IPCEF1: variants seen among roughly 807,000 people sequenced by gnomAD.
IPCEF1 encodes the protein interactor protein for cytohesin exchange factors 1.
Under a neutral mutation model 50.9 loss-of-function variants are expected in IPCEF1, and 31 were observed. The ratio of observed to expected loss-of-function variants is 0.61; its 90% CI spans 0.46 to 0.82. The LOEUF is 0.82. Ranked by LOEUF, IPCEF1 falls within the 40% of genes least tolerant of loss-of-function variation. IPCEF1 has a pLI of 0.00. For missense variants in IPCEF1, 458 were observed against 514.0 expected (o/e 0.89, Z 1.05); for synonymous variants, 181 against 192.0 (o/e 0.94, Z 0.47).
intron 1 of IPCEF1, among the ~76,000 whole-genome samples, chr6:154,317,118 A>C (rs549364843): frequency 2.1e-4 from 32 of 152,184 alleles, no homozygotes; most frequent in Non-Finnish European, 4.1e-4. Context: ...TTCTAATCAC[A>C]AGTGATGTTA....
At chr6:154,171,966 A>G (rs1467602997) in intron 10 of IPCEF1, among the ~76,000 whole-genome samples, 2 of 152,264 alleles carry the variant, frequency 1.3e-5, no homozygotes, top group African/African-American at 4.8e-5. Context: ...TTTAACAAAC[A>G]TCAACAAGCA....
intron 3 of IPCEF1, among the ~76,000 whole-genome samples, chr6:154,257,774 G>A (rs1252965060): frequency 1.3e-5 from 2 of 152,146 alleles, no homozygotes; most frequent in African/African-American, 2.4e-5. Flanking sequence ...ATCATGGTTC[G>A]CTGCAATCTC....
rs553483879 is a variant in IPCEF1, at chr6:154,304,247, A to G, written c.-61-14491T>C. On this transcript the variant is annotated intron_variant, in intron 1 of 11. Coordinates refer to ENST00000367220, the MANE Select transcript of IPCEF1 (RefSeq NM_001130700.2). ...AAAAAAATTTTTTTAATTAAAAAAT[A>G]ATAATAAATAAAATATACTTTAAAA... Among the ~76,000 whole-genome samples the G allele has an allele frequency of 1.4e-4, 22 of 152,136 alleles. 1 individual carries two copies. Among genetic ancestry groups the G allele is most frequent in the Admixed American group, 1.4e-3 (22 of 15,280 alleles).
chr6:154,331,405 A>AAGAAAGAAAGAAAGAGAGAGAGAG (rs60403800), intron 1 of IPCEF1, among the ~76,000 whole-genome samples: 2 of 92,948 alleles, frequency 2.2e-5, no homozygotes, highest in Non-Finnish European at 4.4e-5. Context: ...GAAAGAAAGA[A>AAGAAAGAAAGAAAGAGAGAGAGAG]AGAGAGAGAA....
intron 1 of IPCEF1, among the ~76,000 whole-genome samples, chr6:154,306,236 A>G (rs1447720620): frequency 6.6e-6 from 1 of 152,158 alleles, no homozygotes; most frequent in Non-Finnish European, 1.5e-5. Flanking sequence ...ATCTATCCAG[A>G]ACCCCCTACC....
At chr6:154,171,931 G>C (rs999831537) in intron 10 of IPCEF1, among the ~76,000 whole-genome samples, 1 of 152,170 alleles carries the variant, frequency 6.6e-6, no homozygotes, top group African/African-American at 2.4e-5. Context: ...CAATACCACA[G>C]TATTTTTGAA....
chr6:154,241,350 T>A (rs894104979), intron 5 of IPCEF1, among the ~76,000 whole-genome samples: 3 of 151,778 alleles, frequency 2.0e-5, no homozygotes, highest in African/African-American at 7.3e-5. Flanking sequence ...ATGGCACACA[T>A]GGTGTCAATA....
chr6:154,217,689 A>G (rs1296223494), intron 7 of IPCEF1, among the ~76,000 whole-genome samples: 5 of 152,246 alleles, frequency 3.3e-5, no homozygotes, highest in Non-Finnish European at 7.3e-5. Context: ...TGACCAGGCA[A>G]AACATAACAA....
intron 2 of IPCEF1, among the ~76,000 whole-genome samples, chr6:154,288,657 G>A (rs1396596652): frequency 2.7e-5 from 3 of 110,928 alleles, no homozygotes; most frequent in African/African-American, 1.0e-4. Context: ...GCAAGACTCT[G>A]TCTAAAAAAC....
intron 11 of IPCEF1, among the ~76,000 whole-genome samples, chr6:154,166,032 C>T (rs1352650612): frequency 3.3e-5 from 5 of 152,252 alleles, no homozygotes; most frequent in Non-Finnish European, 7.3e-5. Flanking sequence ...CCCCAGCTGA[C>T]AGCTTGATCA....
rs931794007 is a variant in IPCEF1, at chr6:154,213,037, G to A, written c.452-182C>T. ...AATTACATAAGAGGCAGAAACAAAT[G>A]GCCAATTCGGGGCTCCTGACCTCAA... On this transcript the variant is annotated intron_variant, in intron 8 of 11. Coordinates refer to ENST00000367220, the MANE Select transcript of IPCEF1 (RefSeq NM_001130700.2). 1.8e-5 allele frequency: 10 copies of A among 570,360 alleles called. No individual in the cohort carries two copies. In the East Asian group the frequency reaches 2.8e-4, roughly 16 times the overall value. 35.3% of individuals were successfully genotyped at this position (570,360 alleles called of 1,614,324 possible).
rs769870845 is a variant in IPCEF1, at chr6:154,184,038, C to G, written c.910+15630G>C. Among the ~76,000 whole-genome samples the G allele has an allele frequency of 5.3e-5, 8 of 152,022 alleles. No homozygotes were observed. The East Asian group carries it at 9.7e-4, about 18-fold the overall frequency. ...AACTCTAGTCACTATGCTGCATATT[C>G]GATCCCCTGAGCTTATTCATTTTAT... On this transcript the variant is annotated intron_variant, in intron 10 of 11. Transcript: ENST00000367220.
chr6:154,193,927 T>A (rs1001736049), intron 10 of IPCEF1, among the ~76,000 whole-genome samples: 1 of 151,294 alleles, frequency 6.6e-6, no homozygotes, highest in Non-Finnish European at 1.5e-5. Context: ...TAGCATAGTA[T>A]TAAAAGGGAT....
chr6:154,184,314 C>A (rs1476661400), intron 10 of IPCEF1, among the ~76,000 whole-genome samples: 1 of 152,020 alleles, frequency 6.6e-6, no homozygotes, highest in African/African-American at 2.4e-5. Context: ...AAATCACCTA[C>A]ATTTCCATCT....
chr6:154,304,435 C>T lies in IPCEF1; in HGVS notation c.-61-14679G>A, dbSNP rs919305613. Among the ~76,000 whole-genome samples the T allele has an allele frequency of 9.9e-5, 15 of 152,210 alleles. 1 individual carries two copies. In the Middle Eastern group the frequency reaches 0.014, roughly 138 times the overall value. ...TGATGCAATTTAATAGACAGATAAA[C>T]TTAGCATGAATTATTACAGGAAGGG... is the stretch of plus-strand genomic sequence containing the variant. On this transcript the variant is annotated intron_variant, in intron 1 of 11. Coordinates refer to ENST00000367220, the MANE Select transcript of IPCEF1 (RefSeq NM_001130700.2).
intron 7 of IPCEF1, among the ~76,000 whole-genome samples, chr6:154,216,613 T>C (rs963891065): frequency 6.6e-6 from 1 of 152,212 alleles, no homozygotes; most frequent in African/African-American, 2.4e-5. Flanking sequence ...CTCACACCTG[T>C]AATCCCAGCA....
rs979563646 is a variant in IPCEF1, at chr6:154,159,570, C to T, written c.*258G>A. 5 of 484,854 alleles carry T rather than the reference C, an allele frequency of 1.0e-5. No homozygotes were observed. The highest frequency in any genetic ancestry group is 4.1e-5 in the Admixed American group (1 of 24,276). 30.0% of individuals were successfully genotyped at this position (484,854 alleles called of 1,614,324 possible). ...CATCCCCCCTAGAGCCCCACATCAC[C>T]GTGAGCTCCCAGTAGGAACACAAAA... On this transcript the variant is annotated 3_prime_UTR_variant, in exon 12 of 12. Transcript: ENST00000367220.
At chr6:154,290,892 C>CTTTTTTTTTTTTTTTTTTT (rs1562581565) in intron 1 of IPCEF1, among the ~76,000 whole-genome samples, 1 of 92,172 alleles carries the variant, frequency 1.1e-5, no homozygotes, top group African/African-American at 4.7e-5. Flanking sequence ...GAATATATTG[C>CTTTTTTTTTTTTTTTTTTT]CTTTTTTTTT....
chr6:154,271,801 T>C (rs746307515), intron 2 of IPCEF1, among the ~76,000 whole-genome samples: 20 of 152,090 alleles, frequency 1.3e-4, no homozygotes, highest in Non-Finnish European at 2.5e-4. Flanking sequence ...CTGGGCAACA[T>C]AGCAAAACCC....
Sources: gnomAD v4.1 joint callset for allele counts (sites outside exome capture counted in the v4.1 genomes callset) on GRCh38, gnomAD v4.1.1 for gene constraint, MANE v1.5 for transcripts, NCBI Gene and HGNC (gene_info 2026-07-23, HGNC 2026-07-21) for gene names.